Variants in IL1RAPL1 observed in about 807,000 individuals in gnomAD.
IL1RAPL1 encodes interleukin 1 receptor accessory protein like 1, also known as interleukin-1 receptor accessory protein-like 1.
In IL1RAPL1, 3 loss-of-function variants were observed where a neutral mutation model predicts 48.4. The observed-to-expected ratio is 0.06, with a 90% CI of 0.03 to 0.16. The LOEUF (loss-of-function observed/expected upper bound fraction) is 0.16. IL1RAPL1 is among the 10% of genes least tolerant of loss of function. IL1RAPL1 has a pLI of 1.00. For missense variants in IL1RAPL1, 349 were observed against 530.6 expected, an observed-to-expected ratio of 0.66 and a Z score of 3.36; for synonymous variants, 185 against 187.7, an observed-to-expected ratio of 0.99 and a Z score of 0.12.
intron 2 of IL1RAPL1, among the ~76,000 whole-genome samples, chrX:29,117,907 G>A (rs1928707640): frequency 9.0e-6 from 1 of 111,462 alleles, no homozygotes; most frequent in Non-Finnish European, 1.9e-5. Context: ...ATTTTGCTCT[G>A]TATCTCAGCA....
At chrX:28,929,709 A>G in intron 2 of IL1RAPL1, among the ~76,000 whole-genome samples, 1 of 112,330 alleles carries the variant, frequency 8.9e-6, no homozygotes, top group South Asian at 3.7e-4. Flanking sequence ...TATGGTTTGC[A>G]CAATAAATAT....
intron 2 of IL1RAPL1, among the ~76,000 whole-genome samples, chrX:28,903,688 A>G (rs762706920): frequency 7.2e-5 from 8 of 110,991 alleles, no homozygotes; most frequent in Admixed American, 5.8e-4. Context: ...ATGATATAAT[A>G]GATTATGTTA....
At chrX:28,907,264 G>A (rs1044158722) in intron 2 of IL1RAPL1, among the ~76,000 whole-genome samples, 1 of 110,928 alleles carries the variant, frequency 9.0e-6, no homozygotes, top group Non-Finnish European at 1.9e-5. Context: ...ATTTTTATTA[G>A]TATTTTTTGA....
intron 1 of IL1RAPL1, among the ~76,000 whole-genome samples, chrX:28,725,920 G>A (rs147203114): frequency 5.3e-5 from 6 of 112,233 alleles, no homozygotes; most frequent in African/African-American, 1.9e-4. Flanking sequence ...AAAGCATCAT[G>A]TACTTAAATG....
chrX:28,918,909 A>G (rs1264390897), intron 2 of IL1RAPL1, among the ~76,000 whole-genome samples: 2 of 111,584 alleles, frequency 1.8e-5, no homozygotes, highest in Admixed American at 9.6e-5. Context: ...GAGTGCAATG[A>G]GAAGCCACTG....
intron 6 of IL1RAPL1, among the ~76,000 whole-genome samples, chrX:29,697,441 GA>G (rs1926940255): frequency 8.9e-6 from 1 of 112,162 alleles, no homozygotes; most frequent in South Asian, 3.7e-4. Flanking sequence ...ATTAACATAA[GA>G]TGTTTCCACA....
intron 5 of IL1RAPL1, among the ~76,000 whole-genome samples, chrX:29,515,612 G>GAT (rs1484369743): frequency 2.7e-5 from 3 of 112,019 alleles, no homozygotes; most frequent in African/African-American, 9.7e-5. Flanking sequence ...CTCTGGTATG[G>GAT]ATATATCACA....
intron 5 of IL1RAPL1, among the ~76,000 whole-genome samples, chrX:29,613,666 C>T (rs4829117): frequency 0.35 from 36,555 of 103,063 alleles, 5,458 homozygotes; most frequent in African/African-American, 0.51. Flanking sequence ...CTTGGGTCAG[C>T]GAAACTTGGG....
intron 6 of IL1RAPL1, among the ~76,000 whole-genome samples, chrX:29,677,274 A>C (rs766827259): frequency 8.9e-6 from 1 of 112,260 alleles, no homozygotes; most frequent in African/African-American, 3.2e-5. Flanking sequence ...TAAAACACTT[A>C]GCATTCCTGT....
intron 3 of IL1RAPL1, among the ~76,000 whole-genome samples, chrX:29,304,834 G>A (rs1219530428): frequency 2.7e-5 from 3 of 112,434 alleles, no homozygotes; most frequent in Non-Finnish European, 3.8e-5. Context: ...GCAGTGGCAC[G>A]ACCTCGGCTC....
chrX:29,198,726 C>T, intron 2 of IL1RAPL1, among the ~76,000 whole-genome samples: 1 of 111,380 alleles, frequency 9.0e-6, no homozygotes, highest in Non-Finnish European at 1.9e-5. Flanking sequence ...CTCAGAGTGG[C>T]TTATTGCATC....
At chrX:28,766,955 A>G (rs976848017) in intron 1 of IL1RAPL1, among the ~76,000 whole-genome samples, 7 of 111,362 alleles carry the variant, frequency 6.3e-5, no homozygotes, top group Admixed American at 1.9e-4. Flanking sequence ...TGGACGCTTC[A>G]GTTGCTTTCA....
intron 1 of IL1RAPL1, among the ~76,000 whole-genome samples, chrX:28,783,319 C>CT (rs1460677096): frequency 1.8e-5 from 2 of 111,879 alleles, no homozygotes; most frequent in Non-Finnish European, 3.8e-5. Context: ...TCTTCATCAC[C>CT]TTGTAGGGTA....
chrX:29,332,208 C>G (rs1245888538), intron 3 of IL1RAPL1, among the ~76,000 whole-genome samples: 1 of 71,968 alleles, frequency 1.4e-5, no homozygotes, highest in Non-Finnish European at 2.5e-5. Context: ...ACTCTTCTCT[C>G]TTCCTGACTG....
At chrX:28,777,896 T>C (rs1936376498) in intron 1 of IL1RAPL1, among the ~76,000 whole-genome samples, 1 of 111,434 alleles carries the variant, frequency 9.0e-6, no homozygotes, top group Non-Finnish European at 1.9e-5. Context: ...TCCCCAACAA[T>C]GAATAATCTA....
At chrX:28,813,691 G>A (rs911828054) in intron 2 of IL1RAPL1, among the ~76,000 whole-genome samples, 1 of 110,781 alleles carries the variant, frequency 9.0e-6, no homozygotes, top group East Asian at 2.8e-4. Context: ...GTTTTGGCCC[G>A]TGGAGCTTGA....
intron 1 of IL1RAPL1, among the ~76,000 whole-genome samples, chrX:28,696,683 A>C (rs929233487): frequency 2.7e-5 from 3 of 111,458 alleles, no homozygotes; most frequent in Non-Finnish European, 5.7e-5. Flanking sequence ...AAGACATACA[A>C]AAATTTCACA....
intron 2 of IL1RAPL1, among the ~76,000 whole-genome samples, chrX:28,852,061 C>T (rs1164998502): frequency 2.7e-5 from 3 of 111,918 alleles, no homozygotes; most frequent in Non-Finnish European, 3.8e-5. Flanking sequence ...CTTTGTTCCA[C>T]TCAGTTGCTA....
chrX:29,823,972 C>T (rs1047456851), intron 6 of IL1RAPL1, among the ~76,000 whole-genome samples: 3 of 111,651 alleles, frequency 2.7e-5, no homozygotes, highest in African/African-American at 9.8e-5. Flanking sequence ...CTATGTGTAG[C>T]CAATCTCCCT....
Sources: gnomAD v4.1 joint callset for allele counts (sites outside exome capture counted in the v4.1 genomes callset) on GRCh38, gnomAD v4.1.1 for gene constraint, MANE v1.5 for transcripts, NCBI Gene and HGNC (gene_info 2026-07-23, HGNC 2026-07-21) for gene names.